The following AFG3L2 variants were observed in gnomAD, a reference collection of about 807,000 sequenced individuals.
AFG3L2 encodes mitochondrial inner membrane m-AAA protease component AFG3L2.
In AFG3L2, 54 loss-of-function variants were observed where a neutral mutation model predicts 94.5. The ratio of observed to expected loss-of-function variants is 0.57; its 90% CI spans 0.46 to 0.72. The LOEUF (loss-of-function observed/expected upper bound fraction) is 0.72. Among genes scored for constraint, AFG3L2 ranks in the 30% least tolerant of loss-of-function variants. The pLI, the probability that AFG3L2 is intolerant of heterozygous loss-of-function variation, is 0.00. For synonymous variants in AFG3L2, 377 were observed against 365.5 expected (o/e 1.03, Z -0.36); for missense variants, 754 against 994.9 (o/e 0.76, Z 3.26).
At chr18:12,371,767 A>G in intron 1 of AFG3L2, 76 bp from the exon 2 acceptor site, 2 of 1,132,198 alleles carry the variant, frequency 1.8e-6, no homozygotes, top group South Asian at 1.3e-5. Context: ...TCCTGGTCAT[A>G]AAGTAGATGA....
chr18:12,332,918 A>G (rs1265379321), intron 16 of AFG3L2, among the ~76,000 whole-genome samples: 1 of 138,646 alleles, frequency 7.2e-6, no homozygotes, highest in African/African-American at 2.7e-5. Flanking sequence ...AATATATATT[A>G]TATATAACAT....
At position 12,329,704 on chromosome 18, in the gene AFG3L2, T is replaced by C. The variant is rs1051686753; in HGVS notation, c.2255A>G (p.Glu752Gly). The change falls in exon 17 of 17, where the codon GAA becomes GGA. Residue 752 changes from glutamate (E) to glycine (G), a missense_variant. Glu to Gly is a moderately conservative substitution (Grantham distance 98). Around this residue, in one of 4 missense-constraint regions of AFG3L2, gnomAD observed 279 missense variants for 378.6 expected, o/e 0.74. Transcript: ENST00000269143. ...CACAAATTCTTCATAGGTAGATTTTTCCGCAAATGGTCTGGGGCCCAAAAG... is the reference window on the plus strand; with the variant it reads ...CACAAATTCTTCATAGGTAGATTTTCCCGCAAATGGTCTGGGGCCCAAAAG... Reference protein sequence around the residue: ...VELLGPRPFAEKSTYEEFVEG... With the variant: ...VELLGPRPFAGKSTYEEFVEG... The C allele has an allele frequency of 6.2e-7, 1 of 1,614,096 alleles. No homozygotes were observed. Among genetic ancestry groups the C allele is most frequent in the Non-Finnish European group, 8.5e-7 (1 of 1,180,046 alleles).
At chr18:12,339,236 CAAAAAAAAA>C (rs539968042) in intron 15 of AFG3L2, among the ~76,000 whole-genome samples, 39 of 41,288 alleles carry the variant, frequency 9.4e-4, no homozygotes, top group South Asian at 5.6e-3. Flanking sequence ...GACTCTGTCT[CAAAAAAAAA>C]AAAAAAAAAA....
intron 16 of AFG3L2, among the ~76,000 whole-genome samples, chr18:12,333,464 A>C (rs1040623062): frequency 1.3e-4 from 20 of 150,310 alleles, no homozygotes; most frequent in Non-Finnish European, 1.5e-4. Context: ...TCCTGGGCTC[A>C]GGTGATCCTC....
At chr18:12,358,636 C>T (rs1908565120) in intron 8 of AFG3L2, 34 bp downstream of exon 8, 2 of 1,600,116 alleles carry the variant, frequency 1.2e-6, no homozygotes, top group African/African-American at 2.7e-5. Context: ...GATCAAGAAA[C>T]ATTTCAAAAA....
chr18:12,354,892 C>A (rs1381651719), intron 9 of AFG3L2, among the ~76,000 whole-genome samples: 3 of 151,790 alleles, frequency 2.0e-5, no homozygotes, highest in African/African-American at 7.3e-5. Context: ...TATGACTTAT[C>A]TGCACAACAA....
At chr18:12,345,302 A>C (rs558765158) in intron 13 of AFG3L2, among the ~76,000 whole-genome samples, 1 of 152,266 alleles carries the variant, frequency 6.6e-6, no homozygotes, top group African/African-American at 2.4e-5. Context: ...GCCTGGATCA[A>C]CGTGGGCTCT....
intron 16 of AFG3L2, among the ~76,000 whole-genome samples, chr18:12,333,187 ATAATATATATAATAATC>A (rs1907629072): frequency 1.7e-5 from 2 of 118,230 alleles, no homozygotes; most frequent in African/African-American, 7.1e-5. Context: ...AATATAATAA[ATAATATATATAATAATC>A]TAATATATAA....
chr18:12,376,916 G>A, intron 1 of AFG3L2, 53 bp downstream of exon 1: 4 of 1,311,160 alleles, frequency 3.1e-6, no homozygotes, highest in South Asian at 1.7e-5. Context: ...CTCCCGAGCC[G>A]GAAGTGGGCC....
chr18:12,337,772 TTCTC>T (rs1368333419), intron 15 of AFG3L2, among the ~76,000 whole-genome samples: 1 of 152,110 alleles, frequency 6.6e-6, no homozygotes, highest in African/African-American at 2.4e-5. Flanking sequence ...ATTACCTGAT[TTCTC>T]TCTTTTTTTT....
chr18:12,351,462 A>C, intron 10 of AFG3L2, 49 bp from the exon 11 acceptor site: 1 of 1,512,254 alleles, frequency 6.6e-7, no homozygotes, highest in South Asian at 1.1e-5. Context: ...AGAGGCAGAA[A>C]GCAACAGTGC....
Position 12,356,787 on chromosome 18 carries a change from T to C in AFG3L2, c.1071A>G (p.Leu357=), listed in dbSNP as rs762769764. The C allele has an allele frequency of 2.2e-5, 36 of 1,614,060 alleles. No individual in the cohort carries two copies. Among genetic ancestry groups the C allele is most frequent in the Non-Finnish European group, 3.1e-5 (36 of 1,180,042 alleles). The change falls in exon 9 of 17, where the codon CTA becomes CTG. Residue 357 remains leucine (L), a synonymous_variant. Coordinates refer to ENST00000269143, the MANE Select transcript of AFG3L2 (RefSeq NM_006796.3). ...TGGCTTCTCCGGCTGTGGCCTTAGC[T>C]AGCAGCGTCTTCCCAGTGCCTGGAG... ...TGPPGTGKTL[L]AKATAGEANV...
intron 2 of AFG3L2, 45 bp downstream of exon 2, chr18:12,371,547 C>T (rs1345929222): frequency 2.6e-6 from 4 of 1,546,606 alleles, no homozygotes; most frequent in Non-Finnish European, 3.6e-6. Flanking sequence ...GACAAAAGAC[C>T]CAACCTAAGA....
intron 1 of AFG3L2, 96 bp downstream of exon 1, chr18:12,376,873 G>A (rs1909175247): frequency 5.2e-6 from 5 of 970,236 alleles, no homozygotes; most frequent in Non-Finnish European, 6.8e-6. Context: ...GCGTGCGGCC[G>A]GAGGGCGGGG....
At chr18:12,366,267 G>T (rs11659516) in intron 5 of AFG3L2, among the ~76,000 whole-genome samples, 2,491 of 152,282 alleles carry the variant, frequency 0.016, 25 homozygotes, top group Non-Finnish European at 0.026. Flanking sequence ...AATTTCATCA[G>T]CATCTTATTA....
At chr18:12,340,539 T>A in intron 14 of AFG3L2, 138 bp from the exon 15 acceptor site, 1 of 753,394 alleles carries the variant, frequency 1.3e-6, no homozygotes, top group East Asian at 2.6e-5. Context: ...TGGGATGTGA[T>A]CTAGCAGTGA....
chr18:12,370,877 T>A lies in AFG3L2; in HGVS notation c.264A>T (p.Glu88Asp). The A allele has an allele frequency of 6.3e-7, 1 of 1,588,876 alleles. No individual in the cohort carries two copies. The highest frequency in any genetic ancestry group is 8.6e-7 in the Non-Finnish European group (1 of 1,159,884). ...PNGKNGKKAS[E>D]PKEVMGEKKE... Reference sequence around the variant, plus strand: ...TTTTCTCTCCCATAACTTCTTTAGGTTCACTAGCTTTTTTTCCATTTTTTC... The same window carrying A: ...TTTTCTCTCCCATAACTTCTTTAGGATCACTAGCTTTTTTTCCATTTTTTC... The change falls in exon 3 of 17, where the codon GAA becomes GAT. Residue 88 changes from glutamate (E) to aspartate (D), a missense_variant. Coordinates refer to ENST00000269143, the MANE Select transcript of AFG3L2 (RefSeq NM_006796.3).
At chr18:12,337,287 T>G in intron 16 of AFG3L2, 54 bp downstream of exon 16, 1 of 1,530,156 alleles carries the variant, frequency 6.5e-7, no homozygotes, top group Non-Finnish European at 9.0e-7. Context: ...TATCTATCAC[T>G]TCAATCTTTT....
intron 1 of AFG3L2, among the ~76,000 whole-genome samples, chr18:12,375,799 G>A (rs1440712393): frequency 6.6e-6 from 1 of 152,028 alleles, no homozygotes; most frequent in Admixed American, 6.6e-5. Flanking sequence ...CCCGCCTGCT[G>A]GGATTACAGC....
Sources: allele counts gnomAD v4.1 joint callset (sites outside exome capture counted in the v4.1 genomes callset), GRCh38; gene constraint gnomAD v4.1.1; regional missense constraint gnomAD v4.1.1; transcripts MANE v1.5; gene names NCBI Gene and HGNC (gene_info 2026-07-23, HGNC 2026-07-21).